The following UBE2E2 variants were observed in gnomAD, a reference collection of about 807,000 sequenced individuals.
UBE2E2 encodes the protein ubiquitin conjugating enzyme E2 E2.
UBE2E2 carries 6 observed loss-of-function variants against 24.7 expected under a neutral mutation model. The ratio of observed to expected loss-of-function variants is 0.24; its 90% CI spans 0.13 to 0.48. The LOEUF (loss-of-function observed/expected upper bound fraction) is 0.48. Ranked by LOEUF, UBE2E2 falls within the 20% of genes least tolerant of loss-of-function variation. The pLI, the probability that UBE2E2 is intolerant of heterozygous loss-of-function variation, is 0.99. For synonymous variants in UBE2E2, 104 were observed against 83.6 expected, an observed-to-expected ratio of 1.24 and a Z score of -1.33; for missense variants, 169 against 245.0, an observed-to-expected ratio of 0.69 and a Z score of 2.07.
intron 3 of UBE2E2, among the ~76,000 whole-genome samples, chr3:23,340,316 A>G (rs1054012390): frequency 9.2e-5 from 14 of 152,190 alleles, no homozygotes; most frequent in African/African-American, 3.1e-4. Flanking sequence ...CAGAGTATTT[A>G]TAAATTGGTT....
rs562455061 is a variant in UBE2E2, at chr3:23,246,659, T to A, written c.227+29347T>A. 1.9e-4 allele frequency among the ~76,000 whole-genome samples: 28 copies of A among 150,936 alleles called. No individual in the cohort carries two copies. The East Asian group carries it at 4.8e-3, about 26-fold the overall frequency. On this transcript the variant is annotated intron_variant, in intron 3 of 5. Transcript: ENST00000396703. Reference sequence around the variant, plus strand: ...TCAGCCTCCCAGAGTGCTGGGCTTATAGCCACTGCACCTGACCAGTAAAGA... The same window carrying A: ...TCAGCCTCCCAGAGTGCTGGGCTTAAAGCCACTGCACCTGACCAGTAAAGA...
At chr3:23,516,019 A>C (rs1044742343) in intron 4 of UBE2E2, among the ~76,000 whole-genome samples, 2 of 152,130 alleles carry the variant, frequency 1.3e-5, no homozygotes, top group African/African-American at 4.8e-5. Flanking sequence ...ATGTTTCTTA[A>C]GAGAACATTT....
chr3:23,262,899 A>G (rs534724770), intron 3 of UBE2E2, among the ~76,000 whole-genome samples: 2 of 152,102 alleles, frequency 1.3e-5, no homozygotes, highest in Non-Finnish European at 2.9e-5. Context: ...TCAGGGTACA[A>G]TGTTTAAGCC....
chr3:23,301,552 G>T (rs1453632059), intron 3 of UBE2E2, among the ~76,000 whole-genome samples: 1 of 152,224 alleles, frequency 6.6e-6, no homozygotes, highest in Non-Finnish European at 1.5e-5. Flanking sequence ...GTCCACTCCA[G>T]ACCCTGTTTG....
chr3:23,578,323 ACT>A (rs1342857846), intron 5 of UBE2E2, among the ~76,000 whole-genome samples: 1 of 152,240 alleles, frequency 6.6e-6, no homozygotes, highest in Non-Finnish European at 1.5e-5. Flanking sequence ...ATGCATTTAC[ACT>A]GTGGATGGGA....
chr3:23,282,829 C>T (rs1202826737), intron 3 of UBE2E2, among the ~76,000 whole-genome samples: 1 of 150,764 alleles, frequency 6.6e-6, no homozygotes, highest in Non-Finnish European at 1.5e-5. Flanking sequence ...AGCAAAAATA[C>T]CCACAGTGAA....
intron 3 of UBE2E2, among the ~76,000 whole-genome samples, chr3:23,493,180 A>G (rs998610692): frequency 6.6e-6 from 1 of 152,206 alleles, no homozygotes; most frequent in Non-Finnish European, 1.5e-5. Flanking sequence ...AAAAAGCAGT[A>G]GACACAGCCA....
intron 3 of UBE2E2, among the ~76,000 whole-genome samples, chr3:23,300,695 T>A (rs1011761207): frequency 2.6e-5 from 4 of 152,176 alleles, no homozygotes; most frequent in African/African-American, 9.6e-5. Flanking sequence ...AACCCGACCT[T>A]TCTCTCTGGC....
chr3:23,257,827 C>G (rs1292539089), intron 3 of UBE2E2, among the ~76,000 whole-genome samples: 1 of 152,020 alleles, frequency 6.6e-6, no homozygotes, highest in South Asian at 2.1e-4. Flanking sequence ...TTTACTCTCA[C>G]AATCCTATAG....
chr3:23,551,666 G>A (rs1476338367), intron 5 of UBE2E2, among the ~76,000 whole-genome samples: 1 of 152,186 alleles, frequency 6.6e-6, no homozygotes, highest in African/African-American at 2.4e-5. Flanking sequence ...GATTATCCTG[G>A]AGTAGAGGAC....
chr3:23,447,124 C>G (rs987046838), intron 3 of UBE2E2, among the ~76,000 whole-genome samples: 1 of 152,128 alleles, frequency 6.6e-6, no homozygotes, highest in Admixed American at 6.6e-5. Context: ...TCAGTACTTA[C>G]AACAGTAGTA....
intron 3 of UBE2E2, among the ~76,000 whole-genome samples, chr3:23,242,380 T>C (rs1697282723): frequency 6.8e-6 from 1 of 146,622 alleles, no homozygotes; most frequent in Non-Finnish European, 1.5e-5. Flanking sequence ...TTTGTTTTTT[T>C]TCCCCGCCCC....
chr3:23,248,799 C>A (rs1697490935), intron 3 of UBE2E2, among the ~76,000 whole-genome samples: 1 of 152,152 alleles, frequency 6.6e-6, no homozygotes. Context: ...TTTAGTCTTT[C>A]CTAAACTTAG....
chr3:23,355,188 A>G (rs999601114), intron 3 of UBE2E2, among the ~76,000 whole-genome samples: 6 of 137,632 alleles, frequency 4.4e-5, no homozygotes, highest in African/African-American at 1.3e-4. Flanking sequence ...GTGAGAACAC[A>G]TGGACACAGG....
At position 23,400,607 on chromosome 3, in the gene UBE2E2, A is replaced by AGCACACAC. The variant is rs10662177; in HGVS notation, c.228-99001_228-99000insGCACACAC. 5.1e-5 allele frequency among the ~76,000 whole-genome samples: 7 copies of AGCACACAC among 137,726 alleles called. 1 individual carries two copies. The highest frequency in any genetic ancestry group is 1.8e-4 in the African/African-American group (7 of 39,118). 90.4% of individuals were successfully genotyped at this position (137,726 alleles called of 152,430 possible). Reference sequence around the variant, plus strand: ...GGTGGACAGAGAGGAGAATAAATGAAACACACACACACACACACACACACA... The same window carrying AGCACACAC: ...GGTGGACAGAGAGGAGAATAAATGAAGCACACACACACACACACACACACACACACACA... On this transcript the variant is annotated intron_variant, in intron 3 of 5. Transcript: ENST00000396703.
At chr3:23,534,128 CTTTTTTTT>C in intron 5 of UBE2E2, 2 of 437,822 alleles carry the variant, frequency 4.6e-6, no homozygotes, top group Non-Finnish European at 5.5e-6. Flanking sequence ...TGCAAGAAGG[CTTTTTTTT>C]TTTTTTTTTT....
chr3:23,452,057 T>A (rs1288579305), intron 3 of UBE2E2, among the ~76,000 whole-genome samples: 1 of 152,224 alleles, frequency 6.6e-6, no homozygotes, highest in Non-Finnish European at 1.5e-5. Context: ...AACAATTCTT[T>A]GAGATGTTTT....
In UBE2E2 at chr3:23,418,196, G is replaced by A. The variant is rs147908123; in HGVS notation, c.228-81412G>A. The stretch of plus-strand genomic sequence containing the variant: ...CACGGCCCTGGTGGCGTAGGCACCC[G>A]AGGGAATCTCCTGGTCTGCAGGTTG... On this transcript the variant is annotated intron_variant, in intron 3 of 5. Transcript: ENST00000396703. 8.5e-4 allele frequency among the ~76,000 whole-genome samples: 129 copies of A among 152,326 alleles called. No homozygotes were observed. In the East Asian group the frequency reaches 0.019, roughly 23 times the overall value.
chr3:23,589,745 G>T lies in UBE2E2; in HGVS notation c.520G>T (p.Val174Leu). 1 of 1,613,970 alleles carries T rather than the reference G, an allele frequency of 6.2e-7. No homozygotes were observed. Among genetic ancestry groups the T allele is most frequent in the Non-Finnish European group, 8.5e-7 (1 of 1,179,928 alleles). ...LTDCNPADPL[V>L]GSIATQYMTN... The stretch of plus-strand genomic sequence containing the variant: ...TGCTTTCCTTGCAGCTGACCCTCTG[G>T]TGGGCAGCATCGCCACACAGTACAT... The change falls in exon 6 of 6, where the codon GTG becomes TTG. Residue 174 changes from valine to leucine, a missense_variant. By Grantham distance (32) the Val-to-Leu change is conservative. Transcript: ENST00000396703. The surrounding 1 kb of genome is among the most constrained non-coding windows in gnomAD (Gnocchi z 4.1).
Sources: gnomAD v4.1 joint callset for allele counts (sites outside exome capture counted in the v4.1 genomes callset) on GRCh38, gnomAD v4.1.1 for gene constraint, Gnocchi (gnomAD v3.1) non-coding constraint, MANE v1.5 for transcripts, NCBI Gene and HGNC (gene_info 2026-07-23, HGNC 2026-07-21) for gene names.